The following ETV6 variants were observed in gnomAD, a reference collection of about 807,000 sequenced individuals.
The protein encoded by ETV6 is ETS variant transcription factor 6, also known as transcription factor ETV6.
ETV6 carries 16 observed loss-of-function variants against 51.1 expected under a neutral mutation model. That is an observed-to-expected ratio of 0.31 (90% CI 0.21 to 0.48). The LOEUF (loss-of-function observed/expected upper bound fraction) is 0.48. ETV6 is among the 20% of genes least tolerant of loss of function. ETV6 has a pLI of 0.99. For missense variants in ETV6, 458 were observed against 594.8 expected (o/e 0.77, Z 2.39); for synonymous variants, 240 against 224.1 (o/e 1.07, Z -0.64).
rs769171614 is a variant in ETV6, at chr12:11,853,492, C to T, written c.394C>T (p.Pro132Ser). The stretch of plus-strand genomic sequence containing the variant: ...GAGGAAACCTCGGATTCTTTTTTCA[C>T]CATTCTTCCACCCTGGAAACTCTAT... ...KQRKPRILFS[P>S]FFHPGNSIHT... The change falls in exon 4 of 8, where the codon CCA becomes TCA. Residue 132 changes from proline (P) to serine (S), a missense_variant. Physicochemically the swap from Pro to Ser is moderately conservative, Grantham distance 74. Coordinates refer to ENST00000396373, the MANE Select transcript of ETV6 (RefSeq NM_001987.5). 1 of 1,614,072 alleles carries T rather than the reference C, an allele frequency of 6.2e-7. No individual in the cohort carries two copies. The highest frequency in any genetic ancestry group is 1.7e-5 in the Admixed American group (1 of 60,012).
At chr12:11,742,548 G>A (rs923188442) in intron 1 of ETV6, among the ~76,000 whole-genome samples, 3 of 152,098 alleles carry the variant, frequency 2.0e-5, no homozygotes, top group African/African-American at 7.2e-5. Flanking sequence ...ACTTTTTCGA[G>A]TTATAAAAGG....
intron 1 of ETV6, among the ~76,000 whole-genome samples, chr12:11,750,595 C>T (rs1866002925): frequency 6.6e-6 from 1 of 152,124 alleles, no homozygotes; most frequent in Non-Finnish European, 1.5e-5. Flanking sequence ...AAAACCCTAA[C>T]AAAACAGAAA....
chr12:11,852,384 G>A (rs767887595), intron 3 of ETV6, among the ~76,000 whole-genome samples: 21 of 152,198 alleles, frequency 1.4e-4, no homozygotes, highest in Non-Finnish European at 3.1e-4. Flanking sequence ...TTTTAAAGGA[G>A]GGAAGCATCC....
At chr12:11,663,505 T>C (rs779876241) in intron 1 of ETV6, among the ~76,000 whole-genome samples, 10 of 152,240 alleles carry the variant, frequency 6.6e-5, no homozygotes, top group Non-Finnish European at 1.3e-4. Flanking sequence ...ATAATCTGTT[T>C]TCTAGCATAT....
chr12:11,692,318 A>G (rs1386319941), intron 1 of ETV6, among the ~76,000 whole-genome samples: 1 of 152,166 alleles, frequency 6.6e-6, no homozygotes, highest in African/African-American at 2.4e-5. Flanking sequence ...AGCCCTCTCC[A>G]GATGGGGCCC....
rs1231022538 is a variant in ETV6, at chr12:11,891,871, T to C, written c.*825T>C. The stretch of plus-strand genomic sequence containing the variant: ...ACCCATCTGAGGGAGGCCAAAATCA[T>C]CACAGATGCTGCTGTGCTGCAGACA... On this transcript the variant is annotated 3_prime_UTR_variant, in exon 8 of 8. Transcript: ENST00000396373. 2 of 305,728 alleles carry C rather than the reference T, an allele frequency of 6.5e-6. No individual in the cohort carries two copies. The highest frequency in any genetic ancestry group is 4.2e-5 in the African/African-American group (2 of 47,698). 18.9% of individuals were successfully genotyped at this position (305,728 alleles called of 1,614,324 possible). A position where few individuals can be genotyped will look rare whatever the true frequency, so the allele number is the denominator to read the frequency against.
At chr12:11,725,510 A>G (rs1017501782) in intron 1 of ETV6, among the ~76,000 whole-genome samples, 3 of 152,206 alleles carry the variant, frequency 2.0e-5, no homozygotes, top group African/African-American at 7.2e-5. Flanking sequence ...CTGAGGCTGA[A>G]TTATGGCTTT....
chr12:11,714,437 G>T (rs982349316), intron 1 of ETV6, among the ~76,000 whole-genome samples: 2 of 152,086 alleles, frequency 1.3e-5, no homozygotes, highest in Non-Finnish European at 2.9e-5. Flanking sequence ...GCCTAACTAC[G>T]CAGCCTGCCT....
intron 2 of ETV6, among the ~76,000 whole-genome samples, chr12:11,823,385 C>T (rs1261217904): frequency 6.6e-6 from 1 of 151,866 alleles, no homozygotes; most frequent in Non-Finnish European, 1.5e-5. Context: ...GACATCTTGA[C>T]TTTCGGTGAT....
intron 2 of ETV6, among the ~76,000 whole-genome samples, chr12:11,834,054 C>T (rs1218949611): frequency 6.6e-6 from 1 of 152,184 alleles, no homozygotes; most frequent in Non-Finnish European, 1.5e-5. Context: ...ATTGAAGCCA[C>T]ATAGATCTCT....
At position 11,679,053 on chromosome 12, in the gene ETV6, C is replaced by T. The variant is rs116431667; in HGVS notation, c.33+28893C>T. Among the ~76,000 whole-genome samples, 867 of 152,190 alleles carry T rather than the reference C, an allele frequency of 5.7e-3. 7 individuals are homozygous for T. Among genetic ancestry groups the T allele is most frequent in the African/African-American group, 0.02 (829 of 41,504 alleles). ...TGTGTAATCTGGGCACCCCATAATC[C>T]GAGTCAAATTGACATATAAAATTAA... is the stretch of plus-strand genomic sequence containing the variant. On this transcript the variant is annotated intron_variant, in intron 1 of 7. Transcript: ENST00000396373.
chr12:11,668,404 T>TG (rs976566758), intron 1 of ETV6, among the ~76,000 whole-genome samples: 6 of 151,938 alleles, frequency 3.9e-5, no homozygotes, highest in African/African-American at 1.4e-4. Flanking sequence ...TGTTTTGTTT[T>TG]TTTTTTTTAA....
intron 1 of ETV6, among the ~76,000 whole-genome samples, chr12:11,659,569 T>TAG (rs1365487680): frequency 6.6e-6 from 1 of 152,196 alleles, no homozygotes; most frequent in Non-Finnish European, 1.5e-5. Context: ...TCTTAGGACT[T>TAG]ATCTCTTTGA....
At chr12:11,785,707 G>A (rs1217031832) in intron 2 of ETV6, among the ~76,000 whole-genome samples, 60 of 152,182 alleles carry the variant, frequency 3.9e-4, no homozygotes, top group Admixed American at 3.9e-3. Flanking sequence ...GCTGCAACAA[G>A]CTTCACATAT....
intron 7 of ETV6, among the ~76,000 whole-genome samples, chr12:11,887,761 AAAAAG>A (rs1192106254): frequency 6.6e-6 from 1 of 151,660 alleles, no homozygotes; most frequent in Non-Finnish European, 1.5e-5. Flanking sequence ...AAAAAAAAAA[AAAAAG>A]AAAAGAAATT....
chr12:11,893,841 T>TATACACACAC lies in ETV6; in HGVS notation c.*2796_*2797insTACACACACA, dbSNP rs1491290450. ...ATATATATATATATATATATATATA[T>TATACACACAC]ACACACACACACACATACACAAATA... is the stretch of plus-strand genomic sequence containing the variant. On this transcript the variant is annotated 3_prime_UTR_variant, in exon 8 of 8. Coordinates refer to ENST00000396373, the MANE Select transcript of ETV6 (RefSeq NM_001987.5). The TATACACACAC allele has an allele frequency of 1.7e-5, 1 of 57,306 alleles. No homozygotes were observed. The highest frequency in any genetic ancestry group is 6.4e-5 in the African/African-American group (1 of 15,660). 3.5% of individuals were successfully genotyped at this position (57,306 alleles called of 1,614,324 possible).
intron 1 of ETV6, among the ~76,000 whole-genome samples, chr12:11,748,075 G>T (rs1313883913): frequency 6.6e-6 from 1 of 152,190 alleles, no homozygotes; most frequent in South Asian, 2.1e-4. Flanking sequence ...AATATTGCTG[G>T]CATGACCACT....
intron 1 of ETV6, among the ~76,000 whole-genome samples, chr12:11,737,458 G>A (rs1022421384): frequency 2.2e-4 from 33 of 152,220 alleles, no homozygotes; most frequent in African/African-American, 8.0e-4. Context: ...AGGGTCATAT[G>A]GAGATTTTTA....
chr12:11,687,227 T>G (rs1201453546), intron 1 of ETV6, among the ~76,000 whole-genome samples: 5 of 149,516 alleles, frequency 3.3e-5, no homozygotes, highest in African/African-American at 9.8e-5. Flanking sequence ...TTTTTTTTTT[T>G]TCAGCTCACT....
Sources: allele counts gnomAD v4.1 joint callset (sites outside exome capture counted in the v4.1 genomes callset), GRCh38; gene constraint gnomAD v4.1.1; transcripts MANE v1.5; gene names NCBI Gene and HGNC (gene_info 2026-07-23, HGNC 2026-07-21).